Variants in FOXN3 observed in about 807,000 individuals in gnomAD.
FOXN3 encodes forkhead box protein N3.
FOXN3 carries 7 observed loss-of-function variants against 38.4 expected under a neutral mutation model. The observed-to-expected ratio is 0.18, with a 90% confidence interval of 0.10 to 0.34. The LOEUF (loss-of-function observed/expected upper bound fraction) is 0.34, where lower values mean the gene tolerates loss of function less well. FOXN3 is among the 10% of genes least tolerant of loss of function. The pLI is 1.00. For missense variants in FOXN3, 456 were observed against 613.4 expected, an observed-to-expected ratio of 0.74 and a Z score of 2.71; for synonymous variants, 230 against 242.2, an observed-to-expected ratio of 0.95 and a Z score of 0.47.
Position 89,369,846 on chromosome 14 carries a change from G to C in FOXN3, c.544-19038C>G, listed in dbSNP as rs1890263970. ...ACGATTCAACATGAGATTTGGGTGGGGACACAGAGTCAAACCGTATCAGAA... is the reference window on the plus strand; with the variant it reads ...ACGATTCAACATGAGATTTGGGTGGCGACACAGAGTCAAACCGTATCAGAA... On this transcript the variant is annotated intron_variant, in intron 2 of 5. Transcript: ENST00000557258. Among the ~76,000 whole-genome samples, 4 of 152,152 alleles carry C rather than the reference G, an allele frequency of 2.6e-5. No individual in the cohort carries two copies. The South Asian group carries it at 8.3e-4, about 31-fold the overall frequency.
chr14:89,197,138 A>C (rs548527243), intron 4 of FOXN3, among the ~76,000 whole-genome samples: 2 of 152,336 alleles, frequency 1.3e-5, no homozygotes, highest in Non-Finnish European at 2.9e-5. Context: ...AACTGAATAA[A>C]AGAAATTCAA....
chr14:89,183,353 C>G (rs1286210793), intron 4 of FOXN3, among the ~76,000 whole-genome samples: 1 of 152,144 alleles, frequency 6.6e-6, no homozygotes, highest in African/African-American at 2.4e-5. Context: ...TAATTCACGT[C>G]AGTAAAAATT....
intron 3 of FOXN3, among the ~76,000 whole-genome samples, chr14:89,328,357 G>C (rs907308734): frequency 6.6e-6 from 1 of 151,850 alleles, no homozygotes; most frequent in Non-Finnish European, 1.5e-5. Flanking sequence ...CTGGATGAAT[G>C]GGGGAAGAGA....
intron 3 of FOXN3, among the ~76,000 whole-genome samples, chr14:89,281,300 G>A (rs1056818047): frequency 8.5e-5 from 13 of 152,132 alleles, no homozygotes; most frequent in African/African-American, 1.7e-4. Context: ...ATGGTTTAAC[G>A]GCATAGCGTA....
intron 1 of FOXN3, among the ~76,000 whole-genome samples, chr14:89,447,938 C>G (rs764951916): frequency 6.7e-6 from 1 of 150,162 alleles, no homozygotes; most frequent in Non-Finnish European, 1.5e-5. Context: ...CTGCCTCAGC[C>G]TCCCAAGTAG....
intron 1 of FOXN3, among the ~76,000 whole-genome samples, chr14:89,570,883 G>A (rs1895476036): frequency 6.6e-6 from 1 of 152,138 alleles, no homozygotes. Flanking sequence ...CCCCATGTAG[G>A]AAGTGGATTT....
rs1156999685 is a variant in FOXN3 at position 89,511,247 on chromosome 14, T to TTTCTTTC, written c.-14-98758_-14-98757insGAAAGAA. Among the ~76,000 whole-genome samples the TTTCTTTC allele has an allele frequency of 3.9e-3, 44 of 11,298 alleles. 9 individuals are homozygous for TTTCTTTC. The highest frequency in any genetic ancestry group is 6.1e-3 in the African/African-American group (42 of 6,862). 7.4% of individuals were successfully genotyped at this position (11,298 alleles called of 152,430 possible). ...TCTTTCTTTTCTTTCCTTTTCTTTC[T>TTTCTTTC]TTTCTTTCTTTCTTTCTTTCTTTCT... On this transcript the variant is annotated intron_variant, in intron 1 of 6. Coordinates refer to the FOXN3 transcript ENST00000345097.
chr14:89,294,173 A>G (rs1045175712), intron 3 of FOXN3, among the ~76,000 whole-genome samples: 3 of 151,992 alleles, frequency 2.0e-5, no homozygotes, highest in African/African-American at 7.3e-5. Flanking sequence ...CCTCTCCTGA[A>G]TCCTAATAGG....
At chr14:89,529,300 A>ACAGATAC (rs1360278412) in intron 1 of FOXN3, among the ~76,000 whole-genome samples, 4 of 152,210 alleles carry the variant, frequency 2.6e-5, no homozygotes, top group Non-Finnish European at 5.9e-5. Context: ...TTTAAATTAA[A>ACAGATAC]CAGATACCAC....
rs1266323336 is a variant in FOXN3, at chr14:89,559,158, A to C, written c.-15+59870T>G. ...AGTGGGAGGATCACTTGAGCTTAGG[A>C]GTTCAAGACCAGCCTGGGCAATATA... On this transcript the variant is annotated intron_variant, in intron 1 of 6. Transcript: ENST00000345097. 2.6e-5 allele frequency among the ~76,000 whole-genome samples: 4 copies of C among 151,832 alleles called. No individual in the cohort carries two copies. The East Asian group carries it at 5.8e-4, about 22-fold the overall frequency.
intron 4 of FOXN3, among the ~76,000 whole-genome samples, chr14:89,192,615 AAAC>A (rs1317980356): frequency 2.9e-5 from 4 of 136,394 alleles, no homozygotes; most frequent in Non-Finnish European, 4.5e-5. Flanking sequence ...TAAGCTATAT[AAAC>A]TATATAATAT....
chr14:89,351,295 T>C (rs1744511836), intron 2 of FOXN3: 1 of 152,252 alleles, frequency 6.6e-6, no homozygotes, highest in Non-Finnish European at 1.5e-5. Context: ...ATCCCCTTGT[T>C]TCTTTCCAGC....
At chr14:89,301,452 C>T (rs985917518) in intron 3 of FOXN3, among the ~76,000 whole-genome samples, 2 of 151,106 alleles carry the variant, frequency 1.3e-5, no homozygotes, top group African/African-American at 4.9e-5. Context: ...CTCCAGACTG[C>T]GTGACAGAGT....
chr14:89,592,666 T>TAG (rs910891681), intron 1 of FOXN3, among the ~76,000 whole-genome samples: 3 of 152,212 alleles, frequency 2.0e-5, no homozygotes, highest in Admixed American at 6.5e-5. Context: ...GGGGATAGAT[T>TAG]AGAGATACTT....
chr14:89,305,771 T>G (rs763972), intron 3 of FOXN3, among the ~76,000 whole-genome samples: 10,990 of 152,268 alleles, frequency 0.072, 481 homozygotes, highest in Non-Finnish European at 0.081. Context: ...ATGATTCTTA[T>G]TAAACGGATC....
At position 89,511,162 on chromosome 14, in the gene FOXN3, TTTC is replaced by T. The variant is rs1282586709; in HGVS notation, c.-14-98675_-14-98673del. Among the ~76,000 whole-genome samples the T allele has an allele frequency of 1.3e-3, 31 of 24,436 alleles. 10 individuals are homozygous for T. The highest frequency in any genetic ancestry group is 5.3e-3 in the Non-Finnish European group (20 of 3,802). The allele number at this position is 24,436 out of a possible 152,430, so 16.0% of individuals were successfully genotyped here. ...TTTCTTTTCTTTCTTTCTTTCTTTC[TTTC>T]TTTCTTTCTTTCTTTCTTTCTTTCT... is the stretch of plus-strand genomic sequence containing the variant. On this transcript the variant is annotated intron_variant, in intron 1 of 6. Coordinates refer to the FOXN3 transcript ENST00000345097.
At chr14:89,514,731 A>G (rs1309259411) in intron 1 of FOXN3, among the ~76,000 whole-genome samples, 1 of 152,144 alleles carries the variant, frequency 6.6e-6, no homozygotes, top group Non-Finnish European at 1.5e-5. Context: ...GAGGAATTTT[A>G]TAGTCCTCAC....
In FOXN3 at chr14:89,158,460, G is replaced by C. The variant is rs1233692818; in HGVS notation, c.*3954C>G. On this transcript the variant is annotated 3_prime_UTR_variant, in exon 6 of 6. Transcript: ENST00000557258. ...CACATTCCTTCTTAAAAACTCCCAA[G>C]ATTGAGACCTGCCACAATCGTTTTG... 1 of 152,636 alleles carries C rather than the reference G, an allele frequency of 6.6e-6. No homozygotes were observed. The highest frequency in any genetic ancestry group is 1.5e-5 in the Non-Finnish European group (1 of 68,044). 9.5% of individuals were successfully genotyped at this position (152,636 alleles called of 1,614,324 possible).
In FOXN3 at chr14:89,294,226, C is replaced by T. The variant is rs557090186; in HGVS notation, c.681-13212G>A. On this transcript the variant is annotated intron_variant, in intron 3 of 5. Coordinates refer to ENST00000557258, the MANE Select transcript of FOXN3 (RefSeq NM_005197.4). ...TCTCTCCCCACAGCAGGCCGCCCTG[C>T]CTGACACCTCAGCAGCATTCTCAAA... 1.1e-4 allele frequency among the ~76,000 whole-genome samples: 17 copies of T among 152,294 alleles called. No homozygotes were observed. The South Asian group carries it at 3.3e-3, about 30-fold the overall frequency.
Sources: gnomAD v4.1 joint callset for allele counts (sites outside exome capture counted in the v4.1 genomes callset) on GRCh38, gnomAD v4.1.1 for gene constraint, MANE v1.5 for transcripts, NCBI Gene and HGNC (gene_info 2026-07-23, HGNC 2026-07-21) for gene names.